The following CERS5 variants were observed in gnomAD, a reference collection of about 807,000 sequenced individuals.
CERS5 encodes the protein LAG1 homolog, ceramide synthase 5.
A neutral mutation model predicts 58.9 loss-of-function variants in CERS5; 37 were observed. The observed-to-expected ratio is 0.63, with a 90% CI of 0.48 to 0.83. The LOEUF is 0.83. Among genes scored for constraint, CERS5 ranks in the 40% least tolerant of loss-of-function variants. The pLI, the probability that CERS5 is intolerant of heterozygous loss-of-function variation, is 0.00. For synonymous variants in CERS5, 147 were observed against 177.8 expected, an observed-to-expected ratio of 0.83 and a Z score of 1.38; for missense variants, 398 against 489.3, an observed-to-expected ratio of 0.81 and a Z score of 1.76.
At position 50,143,137 on chromosome 12, in the gene CERS5, C is replaced by A. The variant is rs1397463967; in HGVS notation, c.371G>T (p.Cys124Phe). 3 of 1,613,940 alleles carry A rather than the reference C, an allele frequency of 1.9e-6. No homozygotes were observed. The highest frequency in any genetic ancestry group is 2.5e-6 in the Non-Finnish European group (3 of 1,179,992). ...QLDWNVRKIQ[C>F]WFRHRRNQDK... The stretch of plus-strand genomic sequence containing the variant: ...CTGATTCCTCCGATGGCGAAACCAG[C>A]ATTGGATTTTTCGGACATTCCAATC... Residue 124 changes from cysteine to phenylalanine, a missense_variant, in exon 3 of 10, where the codon TGC (cysteine) becomes TTC (phenylalanine). Physicochemically the swap from Cys to Phe is radical, Grantham distance 205. Coordinates refer to ENST00000317551, the MANE Select transcript of CERS5 (RefSeq NM_147190.5).
At chr12:50,136,237 G>T (rs201960606) in intron 6 of CERS5, among the ~76,000 whole-genome samples, 168 bp from the exon 7 acceptor site, 1 of 152,004 alleles carries the variant, frequency 6.6e-6, no homozygotes, top group Non-Finnish European at 1.5e-5. Flanking sequence ...CTTTGGGAGG[G>T]CAAGGTGGTC....
At chr12:50,158,888 T>C (rs1174575486) in intron 1 of CERS5, among the ~76,000 whole-genome samples, 1 of 152,180 alleles carries the variant, frequency 6.6e-6, no homozygotes, top group Non-Finnish European at 1.5e-5. Context: ...TTATTCTCAA[T>C]GCCTTATCAG....
chr12:50,137,360 GC>G (rs1951743997), intron 6 of CERS5, among the ~76,000 whole-genome samples: 1 of 152,152 alleles, frequency 6.6e-6, no homozygotes, highest in African/African-American at 2.4e-5. Context: ...GGTCCCTAAT[GC>G]CATGTGAAAG....
Position 50,144,053 on chromosome 12 carries a change from T to G in CERS5, c.202A>C (p.Ile68Leu). 6.3e-7 allele frequency: 1 copy of G among 1,595,336 alleles called. No homozygotes were observed. Among genetic ancestry groups the G allele is most frequent in the Non-Finnish European group, 8.6e-7 (1 of 1,163,224 alleles). ...FFVRLLFERF[I>L]AKPCALCIGI... ...ATACAGAGTGCACAGGGTTTGGCAATAAATCTGTAATGGAGAAAACCCACG... is the reference window on the plus strand; with the variant it reads ...ATACAGAGTGCACAGGGTTTGGCAAGAAATCTGTAATGGAGAAAACCCACG... The change falls in exon 2 of 10, where the codon ATT (isoleucine) becomes CTT (leucine). Residue 68 changes from isoleucine to leucine, a missense_variant. Physicochemically the swap from Ile to Leu is conservative, Grantham distance 5. Transcript: ENST00000317551.
At chr12:50,148,107 A>T (rs1952400076) in intron 1 of CERS5, among the ~76,000 whole-genome samples, 1 of 151,296 alleles carries the variant, frequency 6.6e-6, no homozygotes, top group South Asian at 2.1e-4. Flanking sequence ...GTTTGAGACC[A>T]GCCTGGGAAA....
At chr12:50,143,013 C>T in intron 3 of CERS5, 61 bp downstream of exon 3, 1 of 1,515,466 alleles carries the variant, frequency 6.6e-7, no homozygotes. Context: ...AAAACAGAAA[C>T]TTCAGTCCAG....
At chr12:50,139,389 G>A (rs1423982852) in intron 4 of CERS5, among the ~76,000 whole-genome samples, 1 of 152,044 alleles carries the variant, frequency 6.6e-6, no homozygotes, top group Non-Finnish European at 1.5e-5. Context: ...AGGCTGAGGT[G>A]GTAGCATTGC....
In CERS5 at chr12:50,135,989, C is replaced by G. The variant is rs1951675321; in HGVS notation, c.717G>C (p.Val239=). The part of the protein sequence containing the change: ...SFSYINNMVR[V]GTLIMCLHDV... ...CATGTAGACACATGATCAGAGTTCCCACTCGAACCATATTGTTGATGTAGG... is the reference window on the plus strand; with the variant it reads ...CATGTAGACACATGATCAGAGTTCCGACTCGAACCATATTGTTGATGTAGG... Residue 239 remains valine, a synonymous_variant, in exon 7 of 10, where the codon GTG becomes GTC. Transcript: ENST00000317551. The G allele has an allele frequency of 1.3e-6, 2 of 1,523,242 alleles. No homozygotes were observed. Among genetic ancestry groups the G allele is most frequent in the Non-Finnish European group, 1.8e-6 (2 of 1,139,482 alleles). The allele number at this position is 1,523,242 out of a possible 1,614,324, so 94.4% of individuals were successfully genotyped here. A position where few individuals can be genotyped will look rare whatever the true frequency, so the allele number is the denominator to read the frequency against.
intron 1 of CERS5, among the ~76,000 whole-genome samples, chr12:50,159,293 C>T (rs1348023526): frequency 6.6e-6 from 1 of 152,128 alleles, no homozygotes; most frequent in Non-Finnish European, 1.5e-5. Flanking sequence ...TGCACTACAG[C>T]CTGGGCGACA....
intron 1 of CERS5, chr12:50,147,250 A>C (rs1952336592): frequency 6.6e-6 from 1 of 151,940 alleles, no homozygotes; most frequent in African/African-American, 2.4e-5. Flanking sequence ...AAAAATACAA[A>C]AAGTTAGACA....
intron 3 of CERS5, 105 bp downstream of exon 3, chr12:50,142,969 A>C: frequency 1.6e-6 from 2 of 1,253,324 alleles, no homozygotes; most frequent in Non-Finnish European, 2.2e-6. Flanking sequence ...CTCTATATCC[A>C]TTAACTGTTG....
intron 3 of CERS5, 47 bp from the exon 4 acceptor site, chr12:50,142,157 A>T: frequency 1.5e-6 from 2 of 1,329,838 alleles, no homozygotes; most frequent in South Asian, 1.2e-5. Context: ...ACTCAAACCA[A>T]AGCCTCTGAG....
At chr12:50,149,906 C>A (rs1251974164) in intron 1 of CERS5, among the ~76,000 whole-genome samples, 1 of 152,044 alleles carries the variant, frequency 6.6e-6, no homozygotes, top group Non-Finnish European at 1.5e-5. Context: ...CCATGCCCAG[C>A]TAATTTTTGT....
At position 50,134,611 on chromosome 12, in the gene CERS5, G is replaced by T. The variant is rs1055229071; in HGVS notation, c.964C>A (p.Leu322Ile). ...AGGTAGGACCAGATGACATGCAGAA[G>T]CTGTAGGGTCAGCAGCAGGCCATTG... is the stretch of plus-strand genomic sequence containing the variant. ...LLNGLLLTLQLLHVIWSYLIA... is the reference protein window; with the variant it reads ...LLNGLLLTLQILHVIWSYLIA... The change falls in exon 9 of 10, where the codon CTT becomes ATT. Residue 322 changes from leucine to isoleucine, a missense_variant. Coordinates refer to ENST00000317551, the MANE Select transcript of CERS5 (RefSeq NM_147190.5). 6.2e-7 allele frequency: 1 copy of T among 1,614,046 alleles called. No individual in the cohort carries two copies. Among genetic ancestry groups the T allele is most frequent in the East Asian group, 2.2e-5 (1 of 44,892 alleles).
Position 50,167,342 on chromosome 12 carries a change from C to A in CERS5, c.-45G>T. Reference sequence around the variant, plus strand: ...CACCGCCGCCACAAGCGTCAGCTGCCGCCACAGCCAACGGAACCCGCGGGG... The same window carrying A: ...CACCGCCGCCACAAGCGTCAGCTGCAGCCACAGCCAACGGAACCCGCGGGG... On this transcript the variant is annotated 5_prime_UTR_variant, in exon 1 of 10. Coordinates refer to ENST00000317551, the MANE Select transcript of CERS5 (RefSeq NM_147190.5). The A allele has an allele frequency of 6.8e-7, 1 of 1,461,914 alleles. No homozygotes were observed. Among genetic ancestry groups the A allele is most frequent in the Non-Finnish European group, 9.0e-7 (1 of 1,116,392 alleles). 90.6% of individuals were successfully genotyped at this position (1,461,914 alleles called of 1,614,324 possible).
At chr12:50,166,729 C>G (rs1181896424) in intron 1 of CERS5, among the ~76,000 whole-genome samples, 2 of 152,226 alleles carry the variant, frequency 1.3e-5, no homozygotes, top group South Asian at 4.1e-4. Flanking sequence ...CTCTGGTTCT[C>G]CTGGCCCCTT....
At chr12:50,148,067 C>T (rs927069758) in intron 1 of CERS5, among the ~76,000 whole-genome samples, 2 of 151,926 alleles carry the variant, frequency 1.3e-5, no homozygotes, top group African/African-American at 4.8e-5. Context: ...CTTTGGGAGA[C>T]TGAGACAGGT....
chr12:50,154,187 T>C (rs531097845), intron 1 of CERS5: 4 of 316,404 alleles, frequency 1.3e-5, no homozygotes, highest in African/African-American at 4.5e-5. Context: ...ACCCCATCTC[T>C]ACTAAAAATG....
At chr12:50,165,417 T>C (rs1242546849) in intron 1 of CERS5, 3 of 129,840 alleles carry the variant, frequency 2.3e-5, no homozygotes, top group African/African-American at 5.7e-5. Context: ...AGACTCCGTC[T>C]CAAAAAAAAA....
Sources: allele counts gnomAD v4.1 joint callset (sites outside exome capture counted in the v4.1 genomes callset), GRCh38; gene constraint gnomAD v4.1.1; transcripts MANE v1.5; gene names NCBI Gene and HGNC (gene_info 2026-07-23, HGNC 2026-07-21).